Variants in ENO3 observed in about 807,000 individuals in gnomAD.
ENO3 encodes the protein enolase 3, also known as beta-enolase.
A neutral mutation model predicts 47.7 loss-of-function variants in ENO3; 46 were observed. That is an observed-to-expected ratio of 0.96 (90% CI 0.76 to 1.23). The LOEUF (loss-of-function observed/expected upper bound fraction) is 1.23, where lower values mean the gene tolerates loss of function less well. ENO3 is among the 50% of genes most tolerant of loss of function. ENO3 has a pLI of 0.00. For missense variants in ENO3, 575 were observed against 566.2 expected, an observed-to-expected ratio of 1.02 and a Z score of -0.16; for synonymous variants, 223 against 225.9, an observed-to-expected ratio of 0.99 and a Z score of 0.11.
intron 8 of ENO3, 67 bp from the exon 9 acceptor site, chr17:4,955,875 G>A (rs1971713340): frequency 6.1e-6 from 8 of 1,322,036 alleles, no homozygotes; most frequent in Non-Finnish European, 8.6e-6. Flanking sequence ...TCTCTGCTCT[G>A]TCTCTGCCCT....
In ENO3 at chr17:4,955,783, C is replaced by T. The variant is rs916863174; in HGVS notation, c.866-159C>T. ...CCATGAGGCTCCTTCTGACCTCTAG[C>T]CGTGTCTCTGCCCTGTCTCTGCCTT... On this transcript the variant is annotated intron_variant, in intron 8 of 11. Coordinates refer to ENST00000519602, the MANE Select transcript of ENO3 (RefSeq NM_053013.4). The T allele has an allele frequency of 2.7e-5, 34 of 1,274,548 alleles. No homozygotes were observed. The Admixed American group carries it at 5.8e-4, about 22-fold the overall frequency. 79.0% of individuals were successfully genotyped at this position (1,274,548 alleles called of 1,614,324 possible). A position where few individuals can be genotyped will look rare whatever the true frequency, so the allele number is the denominator to read the frequency against.
chr17:4,956,359 C>CA, intron 9 of ENO3: 1 of 731,932 alleles, frequency 1.4e-6, no homozygotes, highest in Non-Finnish European at 2.3e-6. Flanking sequence ...CCCCAGCCCA[C>CA]ACCATTCCTC....
chr17:4,952,794 G>A lies in ENO3; in HGVS notation c.86-1G>A. 1 of 1,607,628 alleles carries A rather than the reference G, an allele frequency of 6.2e-7. No homozygotes were observed. The highest frequency in any genetic ancestry group is 2.2e-5 in the East Asian group (1 of 44,766). ...TGATCTTCCAATTCCTCCTGTCCCA[G>A]GCCGATTCCGAGCAGCTGTGCCCAG... On this transcript the variant is annotated splice_acceptor_variant, in intron 2 of 11. Transcript: ENST00000519602. LOFTEE classifies it high-confidence loss of function.
rs780781866 is a variant in ENO3 at position 4,952,777 on chromosome 17, C to A, written c.86-18C>A. On this transcript the variant is annotated intron_variant, in intron 2 of 11. Transcript: ENST00000519602. ...GCGCCCAGCCATCCCTGTGATCTTCCAATTCCTCCTGTCCCAGGCCGATTC... is the reference window on the plus strand; with the variant it reads ...GCGCCCAGCCATCCCTGTGATCTTCAAATTCCTCCTGTCCCAGGCCGATTC... 1.9e-6 allele frequency: 3 copies of A among 1,599,000 alleles called. No homozygotes were observed. The highest frequency in any genetic ancestry group is 2.2e-5 in the East Asian group (1 of 44,528).
Position 4,951,370 on chromosome 17 carries a change from AAG to A in ENO3, c.-3+189_-3+190del, listed in dbSNP as rs1191182219. ...CTGGGAACACCGAAGGATCTAGGGAAAGGAGGCTGTGAGGAGGGCAGCAGGGA... is the reference window on the plus strand; with the variant it reads ...CTGGGAACACCGAAGGATCTAGGGAAGAGGCTGTGAGGAGGGCAGCAGGGA... On this transcript the variant is annotated intron_variant, in intron 1 of 11. Transcript: ENST00000519602. 354 of 886,902 alleles carry A rather than the reference AAG, an allele frequency of 4.0e-4. 9 individuals carry two copies. The South Asian group carries it at 9.6e-3, about 24-fold the overall frequency. The allele number at this position is 886,902 out of a possible 1,614,324, so 54.9% of individuals were successfully genotyped here.
chr17:4,955,316 G>C lies in ENO3; in HGVS notation c.667+19G>C. 1 of 1,614,040 alleles carries C rather than the reference G, an allele frequency of 6.2e-7. No individual in the cohort carries two copies. The highest frequency in any genetic ancestry group is 8.5e-7 in the Non-Finnish European group (1 of 1,179,958). On this transcript the variant is annotated intron_variant, in intron 7 of 11. Coordinates refer to ENST00000519602, the MANE Select transcript of ENO3 (RefSeq NM_053013.4). ...AATGAGGGTCAGTGCTGAGCACCCT[G>C]GGGGGCAGACCCCCTGGATCTCCAC...
chr17:4,950,086 T>C (rs971269487), upstream of ENO3: 1 of 132,838 alleles, frequency 7.5e-6, no homozygotes, highest in Non-Finnish European at 1.7e-5. Flanking sequence ...GGAGCAGGGG[T>C]GGGGAGAGGG....
chr17:4,950,853 G>A (rs1971520313), upstream of ENO3, among the ~76,000 whole-genome samples: 1 of 152,230 alleles, frequency 6.6e-6, no homozygotes, highest in Middle Eastern at 3.2e-3. Context: ...GGTGGGGGGA[G>A]ACCCCTCATC....
upstream of ENO3, chr17:4,949,035 G>C (rs1162627862): frequency 6.6e-6 from 1 of 151,852 alleles, no homozygotes; most frequent in East Asian, 1.9e-4. Context: ...GGTCGGGGCC[G>C]GAGCCGGCTG....
Position 4,955,388 on chromosome 17 carries a change from T to C in ENO3, c.668-19T>C, listed in dbSNP as rs1364468069. The C allele has an allele frequency of 6.2e-7, 1 of 1,614,122 alleles. No homozygotes were observed. Among genetic ancestry groups the C allele is most frequent in the East Asian group, 2.2e-5 (1 of 44,898 alleles). ...CAAGGGGCACTGGAGTCTCAGGTCC[T>C]TTCTTGGTCCTCCCCCAGCCCTGGA... On this transcript the variant is annotated intron_variant, in intron 7 of 11. Coordinates refer to ENST00000519602, the MANE Select transcript of ENO3 (RefSeq NM_053013.4).
At chr17:4,954,034 C>T (rs1367024235) in intron 6 of ENO3, 189 bp downstream of exon 6, 6 of 851,310 alleles carry the variant, frequency 7.0e-6, no homozygotes, top group Non-Finnish European at 9.2e-6. Context: ...CCTGAAGGCT[C>T]TATGTGCTTC....
At chr17:4,949,403 A>G (rs1971478393), upstream of ENO3, 1 of 152,186 alleles carries the variant, frequency 6.6e-6, no homozygotes, top group Admixed American at 6.5e-5. Context: ...CAGGCAGGCA[A>G]TGTCTGGATC....
At position 4,953,779 on chromosome 17, in the gene ENO3, G is replaced by A. The variant is rs762986013; in HGVS notation, c.378G>A (p.Lys126=). The A allele has an allele frequency of 2.5e-6, 4 of 1,614,072 alleles. No homozygotes were observed. The highest frequency in any genetic ancestry group is 1.7e-5 in the Admixed American group (1 of 60,008). ...LAVCKAGAAE[K]GVPLYRHIAD... is the part of the protein sequence containing the mutation. ...TGTGTAAGGCGGGAGCAGCTGAGAA[G>A]GGGGTCCCCCTGTACCGCCACATCG... Residue 126 remains lysine, a synonymous_variant, in exon 6 of 12, where the codon AAG becomes AAA. Coordinates refer to ENST00000519602, the MANE Select transcript of ENO3 (RefSeq NM_053013.4).
Position 4,956,908 on chromosome 17 carries a change from G to T in ENO3, c.1235+19G>T. 1 of 1,614,264 alleles carries T rather than the reference G, an allele frequency of 6.2e-7. No individual in the cohort carries two copies. Among genetic ancestry groups the T allele is most frequent in the East Asian group, 2.2e-5 (1 of 44,892 alleles). ...TCATGAGGTACAGCGGGAACAGTGG[G>T]CCTGGGCATTGGGGTGCTGGAGGCT... On this transcript the variant is annotated intron_variant, in intron 11 of 11. Transcript: ENST00000519602.
chr17:4,953,912 G>A, intron 6 of ENO3, 67 bp downstream of exon 6: 2 of 1,611,630 alleles, frequency 1.2e-6, no homozygotes. Flanking sequence ...AGCCAGGGTT[G>A]GCCCCCCTGG....
upstream of ENO3, chr17:4,950,941 G>A (rs556863440): frequency 2.9e-5 from 23 of 789,726 alleles, no homozygotes; most frequent in South Asian, 1.0e-3. Flanking sequence ...GTGGGGGATA[G>A]TAGTTGACCT....
rs200288771 is a variant in ENO3, at chr17:4,953,858, A to G, written c.444+13A>G. The G allele has an allele frequency of 1.1e-4, 176 of 1,613,850 alleles. 1 individual carries two copies. The highest frequency in any genetic ancestry group is 9.2e-4 in the South Asian group (84 of 91,062). On this transcript the variant is annotated intron_variant, in intron 6 of 11. Coordinates refer to ENST00000519602, the MANE Select transcript of ENO3 (RefSeq NM_053013.4). ...ACTCCCAGTGCCAGTGAGTGCAGCTACCCGCCCTTCCCAGATCTCGCCTGG... is the reference window on the plus strand; with the variant it reads ...ACTCCCAGTGCCAGTGAGTGCAGCTGCCCGCCCTTCCCAGATCTCGCCTGG...
chr17:4,950,423 G>A (rs187934385), upstream of ENO3: 7 of 310,576 alleles, frequency 2.3e-5, no homozygotes, highest in Admixed American at 1.9e-4. Flanking sequence ...TGCGCTGAGC[G>A]CCCACAGTCG....
At chr17:4,949,955 TG>T (rs1971492295), upstream of ENO3, among the ~76,000 whole-genome samples, 1 of 145,342 alleles carries the variant, frequency 6.9e-6, no homozygotes, top group Non-Finnish European at 1.5e-5. Flanking sequence ...TACCCCAGGG[TG>T]GAAAAATCCC....
Sources: allele counts gnomAD v4.1 joint callset (sites outside exome capture counted in the v4.1 genomes callset), GRCh38; gene constraint gnomAD v4.1.1; transcripts MANE v1.5; gene names NCBI Gene and HGNC (gene_info 2026-07-23, HGNC 2026-07-21).